Variants in SSX3 observed in about 807,000 individuals in gnomAD.
SSX3 encodes the protein protein SSX3.
Under a neutral mutation model 14.8 loss-of-function variants are expected in SSX3, and 6 were observed. The ratio of observed to expected loss-of-function variants is 0.41; its 90% CI spans 0.22 to 0.80. The LOEUF (loss-of-function observed/expected upper bound fraction) is 0.80, where lower values mean the gene tolerates loss of function less well. Among genes scored for constraint, SSX3 ranks in the 30% least tolerant of loss-of-function variants. SSX3 has a pLI of 0.34. For missense variants in SSX3, 163 were observed against 152.2 expected, an observed-to-expected ratio of 1.07 and a Z score of -0.37; for synonymous variants, 55 against 52.9, an observed-to-expected ratio of 1.04 and a Z score of -0.18.
chrX:48,347,168 C>T, intron 7 of SSX3, 133 bp from the exon 8 acceptor site: 2 of 890,494 alleles, frequency 2.2e-6, no homozygotes, highest in Non-Finnish European at 3.3e-6. Flanking sequence ...CACACACCTT[C>T]CACGGTTCCT....
At chrX:48,352,893 T>C (rs1198819192) in intron 4 of SSX3, among the ~76,000 whole-genome samples, 1 of 112,236 alleles carries the variant, frequency 8.9e-6, no homozygotes, top group Non-Finnish European at 1.9e-5. Flanking sequence ...GAAAGCTCTC[T>C]GTGTTTTCGA....
rs1172572550 is a variant in SSX3 at position 48,356,669 on chromosome X, C to T, written c.-56G>A. 9.2e-6 allele frequency: 1 copy of T among 108,719 alleles called. No individual in the cohort carries two copies. Among genetic ancestry groups the T allele is most frequent in the African/African-American group, 3.5e-5 (1 of 28,329 alleles). The allele number at this position is 108,719 out of a possible 1,213,427, so 9.0% of individuals were successfully genotyped here. ...GAAGAATCCAAAGAGAAAATCAGACCGTGCGTACTCTTGAGTATGGAAGAA... is the reference window on the plus strand; with the variant it reads ...GAAGAATCCAAAGAGAAAATCAGACTGTGCGTACTCTTGAGTATGGAAGAA... On this transcript the variant is annotated 5_prime_UTR_variant, in exon 1 of 8. Coordinates refer to ENST00000298396, the MANE Select transcript of SSX3 (RefSeq NM_021014.4).
rs1556950647 is a variant in SSX3, at chrX:48,354,668, A to G, written c.148T>C (p.Tyr50His). 8.3e-7 allele frequency: 1 copy of G among 1,208,821 alleles called. No homozygotes were observed. Among genetic ancestry groups the G allele is most frequent in the Non-Finnish European group, 1.1e-6 (1 of 893,848 alleles). ...MKVSEKIVYV[Y>H]MKRKYEAMTK... ...ATGGCCTCATACTTTCTCTTCATAT[A>G]CACATAGACGATTTTCTCCGAGACT... is the stretch of plus-strand genomic sequence containing the variant. The change falls in exon 3 of 8, where the codon TAT (tyrosine) becomes CAT (histidine). Residue 50 changes from tyrosine to histidine, a missense_variant. By Grantham distance (83) the Tyr-to-His change is moderately conservative. Transcript: ENST00000298396.
intron 6 of SSX3, chrX:48,348,320 T>C (rs2061247201): frequency 1.2e-5 from 6 of 508,290 alleles, no homozygotes; most frequent in Non-Finnish European, 2.2e-5. Context: ...TGTGTAATTG[T>C]TTTGGGGGTA....
At chrX:48,354,188 G>C in intron 3 of SSX3, 94 bp from the exon 4 acceptor site, 1 of 803,442 alleles carries the variant, frequency 1.2e-6, no homozygotes, top group East Asian at 3.2e-5. Context: ...GGAGGCTAAG[G>C]CTGGAGGATT....
intron 6 of SSX3, among the ~76,000 whole-genome samples, chrX:48,348,799 G>C (rs1459948668): frequency 2.7e-5 from 3 of 112,626 alleles, no homozygotes; most frequent in South Asian, 3.7e-4. Context: ...CAGGATAGAA[G>C]ATGAAACCAG....
chrX:48,351,822 T>G (rs1203718746), intron 5 of SSX3, among the ~76,000 whole-genome samples: 10 of 112,569 alleles, frequency 8.9e-5, no homozygotes, highest in African/African-American at 2.6e-4. Flanking sequence ...TACTCATTAT[T>G]ATTCGGAGAT....
intron 4 of SSX3, 25 bp from the exon 5 acceptor site, chrX:48,352,174 T>C (rs2061266267): frequency 5.0e-6 from 6 of 1,200,943 alleles, no homozygotes; most frequent in Non-Finnish European, 5.6e-6. Flanking sequence ...ATCAGAATTT[T>C]TCATTGTTGG....
At chrX:48,348,189 C>T in intron 6 of SSX3, 1 of 417,568 alleles carries the variant, frequency 2.4e-6, no homozygotes, top group Admixed American at 4.3e-5. Context: ...ATGATAATCA[C>T]ATCATGGAAA....
At chrX:48,354,826 G>T in intron 2 of SSX3, 80 bp from the exon 3 acceptor site, 2 of 1,198,740 alleles carry the variant, frequency 1.7e-6, no homozygotes, top group South Asian at 3.6e-5. Context: ...CTTCCTGTGT[G>T]CTGGATCTGG....
chrX:48,351,314 G>A (rs1481794677), intron 5 of SSX3, among the ~76,000 whole-genome samples: 1 of 111,701 alleles, frequency 9.0e-6, no homozygotes, highest in African/African-American at 3.3e-5. Flanking sequence ...AGGGGCCTCC[G>A]AGGGATCCCC....
At chrX:48,353,401 A>G (rs188224611) in intron 4 of SSX3, among the ~76,000 whole-genome samples, 4,947 of 110,753 alleles carry the variant, frequency 0.045, 295 homozygotes, top group African/African-American at 0.16. Context: ...AGGCGGGTGG[A>G]TCACCTGAGG....
intron 5 of SSX3, among the ~76,000 whole-genome samples, chrX:48,350,805 T>C (rs1443482771): frequency 4.7e-5 from 5 of 105,289 alleles, no homozygotes; most frequent in African/African-American, 1.4e-4. Context: ...GGAGTCTTGC[T>C]GTGTCGCCAG....
At chrX:48,352,037 C>G in intron 5 of SSX3, 63 bp downstream of exon 5, 1 of 1,157,821 alleles carries the variant, frequency 8.6e-7, no homozygotes, top group Non-Finnish European at 1.2e-6. Flanking sequence ...CCCACTCTTA[C>G]CAGTGTTCGC....
chrX:48,351,404 A>G (rs1408182947), intron 5 of SSX3, among the ~76,000 whole-genome samples: 2 of 111,547 alleles, frequency 1.8e-5, no homozygotes, highest in African/African-American at 3.3e-5. Context: ...GGGGCCAACA[A>G]TCAAAGCGAT....
Position 48,355,169 on chromosome X carries a change from A to G in SSX3, c.69+12T>C, listed in dbSNP as rs200875369. 64 of 1,208,043 alleles carry G rather than the reference A, an allele frequency of 5.3e-5. No individual in the cohort carries two copies. In the East Asian group the frequency reaches 1.1e-3, roughly 21 times the overall value. On this transcript the variant is annotated intron_variant, in intron 2 of 7. Transcript: ENST00000298396. ...CCTGGGTCACTACTCTGCTCCCTCT[A>G]GGTCACCTCACCTTTTGTATCTTCT... is the stretch of plus-strand genomic sequence containing the variant.
chrX:48,350,526 A>G (rs1876960122), intron 5 of SSX3, among the ~76,000 whole-genome samples: 1 of 111,477 alleles, frequency 9.0e-6, no homozygotes, highest in Admixed American at 9.6e-5. Context: ...GAGTAAATGT[A>G]AAAACATAGG....
At chrX:48,350,350 T>A (rs185587916) in intron 5 of SSX3, among the ~76,000 whole-genome samples, 2 of 111,184 alleles carry the variant, frequency 1.8e-5, no homozygotes, top group African/African-American at 6.6e-5. Context: ...CCCACTCTTT[T>A]AGGACTCACA....
Position 48,354,490 on chromosome X carries a change from G to C in SSX3, c.184+142C>G, listed in dbSNP as rs2061277401. 7 of 678,807 alleles carry C rather than the reference G, an allele frequency of 1.0e-5. No individual in the cohort carries two copies. The South Asian group carries it at 2.0e-4, about 19-fold the overall frequency. The allele number at this position is 678,807 out of a possible 1,213,427, so 55.9% of individuals were successfully genotyped here. ...AGCCCTGACAGGATATAGAAGAGCAGAACACCCAGAAGCTGCCTTGCGATT... is the reference window on the plus strand; with the variant it reads ...AGCCCTGACAGGATATAGAAGAGCACAACACCCAGAAGCTGCCTTGCGATT... On this transcript the variant is annotated intron_variant, in intron 3 of 7. Transcript: ENST00000298396.
Sources: gnomAD v4.1 joint callset for allele counts (sites outside exome capture counted in the v4.1 genomes callset) on GRCh38, gnomAD v4.1.1 for gene constraint, MANE v1.5 for transcripts, NCBI Gene and HGNC (gene_info 2026-07-23, HGNC 2026-07-21) for gene names.